The following ZSCAN5A variants were observed in gnomAD, a reference collection of about 807,000 sequenced individuals.
The protein encoded by ZSCAN5A is zinc finger and SCAN domain-containing protein 5A.
ZSCAN5A carries 12 observed loss-of-function variants against 23.7 expected under a neutral mutation model. That is an observed-to-expected ratio of 0.51 (90% CI 0.32 to 0.82). The LOEUF (loss-of-function observed/expected upper bound fraction) is 0.82. Among genes scored for constraint, ZSCAN5A ranks in the 40% least tolerant of loss-of-function variants. The probability of loss-of-function intolerance (pLI) is 0.03; values close to 1 mark genes in which losing one functional copy is unlikely to be tolerated. For synonymous variants in ZSCAN5A, 257 were observed against 239.9 expected, an observed-to-expected ratio of 1.07 and a Z score of -0.66; for missense variants, 597 against 617.9, an observed-to-expected ratio of 0.97 and a Z score of 0.36.
intron 2 of ZSCAN5A, among the ~76,000 whole-genome samples, chr19:56,281,452 G>A (rs184047228): frequency 8.0e-4 from 122 of 152,242 alleles, no homozygotes; most frequent in Admixed American, 3.3e-3. Flanking sequence ...TCTAACACTC[G>A]TGCCACTACA....
At chr19:56,241,438 C>G (rs117097173) in intron 2 of ZSCAN5A, among the ~76,000 whole-genome samples, 1 of 151,372 alleles carries the variant, frequency 6.6e-6, no homozygotes, top group Non-Finnish European at 1.5e-5. Flanking sequence ...ATGCTTTTTT[C>G]AAAAAAAATT....
At chr19:56,305,066 C>T (rs2147307429) in intron 2 of ZSCAN5A, among the ~76,000 whole-genome samples, 1 of 152,254 alleles carries the variant, frequency 6.6e-6, no homozygotes. Context: ...AGGAGGAACT[C>T]CTTTATAAAT....
chr19:56,226,634 C>T (rs2033968118), intron 2 of ZSCAN5A, among the ~76,000 whole-genome samples: 2 of 152,014 alleles, frequency 1.3e-5, no homozygotes, highest in Non-Finnish European at 1.5e-5. Context: ...TTAGAGCAGC[C>T]GATATGGGAG....
intron 2 of ZSCAN5A, among the ~76,000 whole-genome samples, chr19:56,324,744 T>G (rs963600956): frequency 6.6e-6 from 1 of 151,916 alleles, no homozygotes; most frequent in African/African-American, 2.4e-5. Context: ...AAGTTAAATA[T>G]TAAGTTTGAA....
At chr19:56,358,592 C>A (rs2041712704) in intron 2 of ZSCAN5A, among the ~76,000 whole-genome samples, 1 of 152,200 alleles carries the variant, frequency 6.6e-6, no homozygotes, top group Admixed American at 6.5e-5. Context: ...CAGAGATCTA[C>A]ATAAGTCTCC....
rs569610852 is a variant in ZSCAN5A, at chr19:56,332,479, C to A, written c.-357-16211G>T. Among the ~76,000 whole-genome samples, 22 of 151,544 alleles carry A rather than the reference C, an allele frequency of 1.5e-4. No individual in the cohort carries two copies. The South Asian group carries it at 4.0e-3, about 28-fold the overall frequency. ...TTTTGTCTGATCTAAGAATATCTAC[C>A]CCTGCTCTTTTTTGTTTTCCATTTG... On this transcript the variant is annotated intron_variant, in intron 2 of 6. Coordinates refer to the ZSCAN5A transcript ENST00000587340.
In ZSCAN5A at chr19:56,225,108, T is replaced by C; in HGVS notation, c.-62A>G. Reference sequence around the variant, plus strand: ...GCTCTTCCAGTAGCTGGTATCTAATTGATACCTATCTACACAGGCTTCCTC... The same window carrying C: ...GCTCTTCCAGTAGCTGGTATCTAATCGATACCTATCTACACAGGCTTCCTC... On this transcript the variant is annotated 5_prime_UTR_variant, in exon 3 of 6. Coordinates refer to ENST00000683990, the MANE Select transcript of ZSCAN5A (RefSeq NM_001322064.3). 6.6e-7 allele frequency: 1 copy of C among 1,520,662 alleles called. No homozygotes were observed. The highest frequency in any genetic ancestry group is 8.8e-7 in the Non-Finnish European group (1 of 1,140,628). The allele number at this position is 1,520,662 out of a possible 1,614,324, so 94.2% of individuals were successfully genotyped here. A position where few individuals can be genotyped will look rare whatever the true frequency, so the allele number is the denominator to read the frequency against.
rs1175628460 is a variant in ZSCAN5A, at chr19:56,341,702, C to CAAAAAAAAAAAAA, written c.-358+21520_-358+21532dup. Among the ~76,000 whole-genome samples, 50 of 53,774 alleles carry CAAAAAAAAAAAAA rather than the reference C, an allele frequency of 9.3e-4. 1 individual carries two copies. Among genetic ancestry groups the CAAAAAAAAAAAAA allele is most frequent in the East Asian group, 1.4e-3 (2 of 1,424 alleles). 35.3% of individuals were successfully genotyped at this position (53,774 alleles called of 152,430 possible). A position where few individuals can be genotyped will look rare whatever the true frequency, so the allele number is the denominator to read the frequency against. On this transcript the variant is annotated intron_variant, in intron 2 of 6. Coordinates refer to the ZSCAN5A transcript ENST00000587340. ...ATCTTCTAGGCAGGTTACCAAAAGG[C>CAAAAAAAAAAAAA]AAAAAAAAAAAAAAAAAAAAAAAAA...
chr19:56,233,049 GA>G (rs2034599497), intron 2 of ZSCAN5A, among the ~76,000 whole-genome samples: 1 of 152,172 alleles, frequency 6.6e-6, no homozygotes, highest in South Asian at 2.1e-4. Flanking sequence ...GCTACTCTAT[GA>G]AGGCAGAGGC....
chr19:56,302,198 A>C (rs530170418), intron 2 of ZSCAN5A: 1 of 780,820 alleles, frequency 1.3e-6, no homozygotes, highest in East Asian at 3.4e-5. Context: ...CAGAGGTGCC[A>C]AGCAGGAAGT....
In ZSCAN5A at chr19:56,231,284, A is replaced by G. The variant is rs1333118793; in HGVS notation, c.-127-6111T>C. On this transcript the variant is annotated intron_variant, in intron 2 of 5. Transcript: ENST00000683990. Reference sequence around the variant, plus strand: ...AGTATGCAAGTCACTCATATGTCAAATTATTAGATTTAGCATTGCACGTTG... The same window carrying G: ...AGTATGCAAGTCACTCATATGTCAAGTTATTAGATTTAGCATTGCACGTTG... Among the ~76,000 whole-genome samples, 11 of 152,210 alleles carry G rather than the reference A, an allele frequency of 7.2e-5. 1 individual carries two copies. The highest frequency in any genetic ancestry group is 7.2e-4 in the Admixed American group (11 of 15,284).
At chr19:56,244,185 G>C (rs766785365) in intron 2 of ZSCAN5A, 1 of 1,612,026 alleles carries the variant, frequency 6.2e-7, no homozygotes, top group Admixed American at 1.7e-5. Flanking sequence ...GTGAACTTCA[G>C]GATGTTCAGC....
intron 1 of ZSCAN5A, among the ~76,000 whole-genome samples, chr19:56,364,513 T>C (rs1218594436): frequency 6.6e-6 from 1 of 152,200 alleles, no homozygotes; most frequent in Admixed American, 6.5e-5. Context: ...GTAGTGAACA[T>C]GTTATATGGT....
intron 2 of ZSCAN5A, chr19:56,274,497 G>A (rs1376129040): frequency 1.3e-5 from 2 of 151,384 alleles, no homozygotes; most frequent in South Asian, 2.1e-4. Context: ...AGAGGAACAC[G>A]TTTTTTAAAA....
chr19:56,248,861 T>C (rs2036145146), intron 2 of ZSCAN5A, among the ~76,000 whole-genome samples: 1 of 152,152 alleles, frequency 6.6e-6, no homozygotes, highest in South Asian at 2.1e-4. Flanking sequence ...GGTGCACCTG[T>C]TCCATCAGTG....
At chr19:56,317,862 A>G (rs975195260), upstream of ZSCAN5A, 3 of 152,314 alleles carry the variant, frequency 2.0e-5, no homozygotes, top group African/African-American at 7.2e-5. Flanking sequence ...AACAGAGAGG[A>G]CAGAGTAGAA....
chr19:56,232,106 G>A (rs1366629023), intron 2 of ZSCAN5A, among the ~76,000 whole-genome samples: 4 of 146,256 alleles, frequency 2.7e-5, no homozygotes, highest in African/African-American at 1.0e-4. Context: ...TCCTACCTCA[G>A]CCCCCCCAGG....
chr19:56,344,956 T>C (rs1407095323), intron 2 of ZSCAN5A, among the ~76,000 whole-genome samples: 2 of 106,328 alleles, frequency 1.9e-5, no homozygotes, highest in Non-Finnish European at 3.9e-5. Flanking sequence ...ATACAAAAAA[T>C]TAGCCAGGCG....
At chr19:56,284,385 G>A (rs2038944149) in intron 2 of ZSCAN5A, among the ~76,000 whole-genome samples, 2 of 152,106 alleles carry the variant, frequency 1.3e-5, no homozygotes, top group African/African-American at 4.8e-5. Context: ...TCTGTGCCTG[G>A]ACTCATGCTT....
Sources: allele counts gnomAD v4.1 joint callset (sites outside exome capture counted in the v4.1 genomes callset), GRCh38; gene constraint gnomAD v4.1.1; transcripts MANE v1.5; gene names NCBI Gene and HGNC (gene_info 2026-07-23, HGNC 2026-07-21).